The following CPNE8 variants were observed in gnomAD, a reference collection of about 807,000 sequenced individuals.
CPNE8 encodes copine-8.
In CPNE8, 45 loss-of-function variants were observed where a neutral mutation model predicts 81.5. The ratio of observed to expected loss-of-function variants is 0.55; its 90% CI spans 0.44 to 0.71. The LOEUF is 0.71. CPNE8 is among the 30% of genes least tolerant of loss of function. The pLI is 0.00. For synonymous variants in CPNE8, 252 were observed against 226.3 expected (o/e 1.11, Z -1.02); for missense variants, 594 against 672.1 (o/e 0.88, Z 1.28).
At chr12:38,864,970 A>G (rs761298550) in intron 3 of CPNE8, among the ~76,000 whole-genome samples, 13 of 152,364 alleles carry the variant, frequency 8.5e-5, no homozygotes, top group South Asian at 2.1e-4. Flanking sequence ...GCAAGCAACA[A>G]GGAATTCCTG....
At chr12:38,842,670 G>A (rs904576477) in intron 4 of CPNE8, among the ~76,000 whole-genome samples, 8 of 141,652 alleles carry the variant, frequency 5.6e-5, no homozygotes, top group Admixed American at 3.1e-4. Flanking sequence ...CCGCCTCCCC[G>A]GTCCAAGTGA....
At chr12:38,775,686 A>G (rs1316277523) in intron 7 of CPNE8, among the ~76,000 whole-genome samples, 1 of 152,174 alleles carries the variant, frequency 6.6e-6, no homozygotes, top group East Asian at 1.9e-4. Flanking sequence ...GAAAGTAGCA[A>G]TGTTCTAAAA....
At chr12:38,674,520 A>G (rs182202869) in intron 18 of CPNE8, among the ~76,000 whole-genome samples, 35 of 152,304 alleles carry the variant, frequency 2.3e-4, no homozygotes, top group African/African-American at 8.2e-4. Flanking sequence ...CATGGAGAGG[A>G]AAGATGTCTT....
intron 1 of CPNE8, among the ~76,000 whole-genome samples, chr12:38,876,566 A>AT (rs1342959091): frequency 2.0e-5 from 3 of 152,226 alleles, no homozygotes; most frequent in Non-Finnish European, 4.4e-5. Context: ...TCACTCAGCC[A>AT]TTGTGATCCA....
At chr12:38,717,429 G>GTGTATGTATATATA (rs770984926) in intron 13 of CPNE8, among the ~76,000 whole-genome samples, 1 of 87,052 alleles carries the variant, frequency 1.1e-5, no homozygotes, top group East Asian at 4.5e-4. Context: ...AAAGTGTGGT[G>GTGTATGTATATATA]TATATATATA....
intron 6 of CPNE8, among the ~76,000 whole-genome samples, chr12:38,817,083 AAT>A (rs2136998907): frequency 6.6e-6 from 1 of 152,300 alleles, no homozygotes; most frequent in African/African-American, 2.4e-5. Flanking sequence ...TTCTCCAGGG[AAT>A]ATGTGAGCCA....
intron 19 of CPNE8, among the ~76,000 whole-genome samples, chr12:38,659,783 G>T (rs962454658): frequency 4.6e-4 from 70 of 151,880 alleles, no homozygotes; most frequent in African/African-American, 1.5e-3. Flanking sequence ...TGAACAATCT[G>T]CTCAATGTGC....
intron 5 of CPNE8, among the ~76,000 whole-genome samples, chr12:38,836,133 G>A (rs1349131215): frequency 1.3e-5 from 2 of 152,060 alleles, no homozygotes; most frequent in African/African-American, 2.4e-5. Flanking sequence ...AGGTTCACTA[G>A]TACCTTACAG....
chr12:38,738,518 ATT>A (rs1941005953), intron 10 of CPNE8, among the ~76,000 whole-genome samples: 1 of 152,124 alleles, frequency 6.6e-6, no homozygotes, highest in Non-Finnish European at 1.5e-5. Flanking sequence ...TAGATAAGGG[ATT>A]GTTAGTCAAA....
At chr12:38,799,098 T>C (rs77650399) in intron 6 of CPNE8, among the ~76,000 whole-genome samples, 75 of 152,188 alleles carry the variant, frequency 4.9e-4, no homozygotes, top group Non-Finnish European at 8.1e-4. Context: ...ACAATAATAA[T>C]GGGAGACTTT....
intron 7 of CPNE8, among the ~76,000 whole-genome samples, chr12:38,773,352 TA>T (rs1375632008): frequency 2.0e-5 from 3 of 152,160 alleles, no homozygotes; most frequent in East Asian, 1.9e-4. Flanking sequence ...ATAAGCAGGG[TA>T]GGGGGAACCA....
Position 38,767,758 on chromosome 12 carries a change from A to T in CPNE8, c.472-20T>A. ...GGCATCCTAAAAACAAAATTAATAA[A>T]ACAGTTCAAGATTTGGGCTATAAAT... is the stretch of plus-strand genomic sequence containing the variant. On this transcript the variant is annotated intron_variant, in intron 7 of 19. Coordinates refer to ENST00000331366, the MANE Select transcript of CPNE8 (RefSeq NM_153634.3). 1 of 1,463,350 alleles carries T rather than the reference A, an allele frequency of 6.8e-7. No homozygotes were observed. The highest frequency in any genetic ancestry group is 9.2e-7 in the Non-Finnish European group (1 of 1,090,738). 90.6% of individuals were successfully genotyped at this position (1,463,350 alleles called of 1,614,324 possible). A position where few individuals can be genotyped will look rare whatever the true frequency, so the allele number is the denominator to read the frequency against.
chr12:38,702,761 TG>T (rs1174038752), intron 14 of CPNE8, 113 bp downstream of exon 14: 2 of 559,976 alleles, frequency 3.6e-6, no homozygotes, highest in African/African-American at 3.9e-5. Flanking sequence ...AAATTTTATA[TG>T]GAAAACTTCA....
chr12:38,869,277 GTTA>G (rs1311770097), intron 3 of CPNE8, among the ~76,000 whole-genome samples: 2 of 152,084 alleles, frequency 1.3e-5, no homozygotes, highest in Non-Finnish European at 2.9e-5. Context: ...TCCTAGTTTT[GTTA>G]TCCTTTTACA....
rs1294780223 is a variant in CPNE8 at position 38,748,497 on chromosome 12, AT to A, written c.722+12349del. ...ATTACTAGATAAAAGTCGTAATAGTATTTTTTTTTTCTTTCTTTTCTGAGAC... is the reference window on the plus strand; with the variant it reads ...ATTACTAGATAAAAGTCGTAATAGTATTTTTTTTTCTTTCTTTTCTGAGAC... On this transcript the variant is annotated intron_variant, in intron 10 of 19. Coordinates refer to ENST00000331366, the MANE Select transcript of CPNE8 (RefSeq NM_153634.3). 5.1e-3 allele frequency among the ~76,000 whole-genome samples: 759 copies of A among 148,558 alleles called. 6 individuals carry two copies. The highest frequency in any genetic ancestry group is 0.016 in the African/African-American group (666 of 40,512).
At chr12:38,714,641 A>T (rs557458943) in intron 13 of CPNE8, among the ~76,000 whole-genome samples, 48 of 152,066 alleles carry the variant, frequency 3.2e-4, no homozygotes, top group Non-Finnish European at 6.5e-4. Flanking sequence ...CAAAAAAAAA[A>T]AGATCTAAAA....
chr12:38,776,198 G>T, intron 7 of CPNE8, 40 bp downstream of exon 7: 1 of 1,026,106 alleles, frequency 9.7e-7, no homozygotes, highest in Non-Finnish European at 1.4e-6. Context: ...AGCATTTGAA[G>T]TATGGAAGTA....
chr12:38,696,493 T>C (rs907607994), intron 14 of CPNE8, among the ~76,000 whole-genome samples: 1 of 152,170 alleles, frequency 6.6e-6, no homozygotes, highest in Non-Finnish European at 1.5e-5. Flanking sequence ...AGTAGGTTAA[T>C]AACATTGGGG....
In CPNE8 at chr12:38,905,473, A is replaced by T; in HGVS notation, c.62T>A (p.Ile21Asn). 1 of 1,575,560 alleles carries T rather than the reference A, an allele frequency of 6.3e-7. No individual in the cohort carries two copies. The highest frequency in any genetic ancestry group is 8.6e-7 in the Non-Finnish European group (1 of 1,160,508). Reference protein sequence around the residue: ...IGDLNQLSAAIPATRVEVSVS... With the variant: ...IGDLNQLSAANPATRVEVSVS... Reference sequence around the variant, plus strand: ...GGACACCTCCACCCGCGTGGCCGGGATGGCAGCGCTCAGCTGGTTCAAGTC... The same window carrying T: ...GGACACCTCCACCCGCGTGGCCGGGTTGGCAGCGCTCAGCTGGTTCAAGTC... The change falls in exon 1 of 20, where the codon ATC becomes AAC. Residue 21 changes from isoleucine to asparagine, a missense_variant. Ile to Asn is a moderately radical substitution (Grantham distance 149). Coordinates refer to ENST00000331366, the MANE Select transcript of CPNE8 (RefSeq NM_153634.3).
Sources: allele counts gnomAD v4.1 joint callset (sites outside exome capture counted in the v4.1 genomes callset), GRCh38; gene constraint gnomAD v4.1.1; transcripts MANE v1.5; gene names NCBI Gene and HGNC (gene_info 2026-07-23, HGNC 2026-07-21).